Variants in BICC1 observed in about 807,000 individuals in gnomAD.
The protein encoded by BICC1 is BicC family RNA binding protein 1.
BICC1 carries 43 observed loss-of-function variants against 111.0 expected under a neutral mutation model. The ratio of observed to expected loss-of-function variants is 0.39; its 90% CI spans 0.30 to 0.50. The LOEUF is 0.50. Ranked by LOEUF, BICC1 falls within the 20% of genes least tolerant of loss-of-function variation. The pLI is 0.88. For synonymous variants in BICC1, 467 were observed against 434.4 expected, an observed-to-expected ratio of 1.07 and a Z score of -0.93; for missense variants, 1,091 against 1,203.2, an observed-to-expected ratio of 0.91 and a Z score of 1.38.
chr10:58,799,360 T>G lies in BICC1; in HGVS notation c.1725+108T>G, dbSNP rs866691854. 9.4e-6 allele frequency: 7 copies of G among 747,330 alleles called. No homozygotes were observed. In the Middle Eastern group the frequency reaches 1.7e-3, roughly 178 times the overall value. 46.3% of individuals were successfully genotyped at this position (747,330 alleles called of 1,614,324 possible). A position where few individuals can be genotyped will look rare whatever the true frequency, so the allele number is the denominator to read the frequency against. ...ATGTGTGTGTGTGATCTCTGCTGTT[T>G]GTAAGAGATAAACCCCTGGTAAAGT... On this transcript the variant is annotated intron_variant, in intron 12 of 20. Coordinates refer to ENST00000373886, the MANE Select transcript of BICC1 (RefSeq NM_001080512.3).
chr10:58,545,250 AG>A (rs1843106327), intron 1 of BICC1, among the ~76,000 whole-genome samples: 1 of 152,184 alleles, frequency 6.6e-6, no homozygotes, highest in African/African-American at 2.4e-5. Context: ...AACTTTTCAT[AG>A]TATCTCCTAA....
At chr10:58,759,914 G>A (rs1390704715) in intron 3 of BICC1, among the ~76,000 whole-genome samples, 4 of 150,736 alleles carry the variant, frequency 2.7e-5, no homozygotes, top group Middle Eastern at 3.4e-3. Context: ...AGCCGAGATC[G>A]CGCTACCACA....
chr10:58,631,271 A>C (rs972427941), intron 2 of BICC1, among the ~76,000 whole-genome samples: 1 of 152,104 alleles, frequency 6.6e-6, no homozygotes, highest in East Asian at 1.9e-4. Context: ...TTGTTACTCT[A>C]TGCCTCTCTA....
At chr10:58,657,483 C>T (rs1240568845) in intron 2 of BICC1, among the ~76,000 whole-genome samples, 1 of 152,110 alleles carries the variant, frequency 6.6e-6, no homozygotes, top group Non-Finnish European at 1.5e-5. Context: ...GAACTGGCAC[C>T]ACCTGCAGGT....
chr10:58,531,419 A>T (rs1250898333), intron 1 of BICC1, among the ~76,000 whole-genome samples: 2 of 151,900 alleles, frequency 1.3e-5, no homozygotes. Context: ...CAGAATCTCT[A>T]GCTGGGCTGA....
intron 1 of BICC1, among the ~76,000 whole-genome samples, chr10:58,571,000 G>T (rs1291052597): frequency 6.6e-6 from 1 of 152,152 alleles, no homozygotes; most frequent in Non-Finnish European, 1.5e-5. Flanking sequence ...ACCCAGCAAA[G>T]GTATCCACTT....
At chr10:58,736,547 T>C (rs1841474241) in intron 3 of BICC1, among the ~76,000 whole-genome samples, 2 of 152,146 alleles carry the variant, frequency 1.3e-5, no homozygotes. Flanking sequence ...CCTTCTGGAG[T>C]ACTTGTGACC....
intron 1 of BICC1, among the ~76,000 whole-genome samples, chr10:58,562,477 A>C (rs778131674): frequency 6.6e-6 from 1 of 151,330 alleles, no homozygotes; most frequent in Admixed American, 6.6e-5. Flanking sequence ...GTTCTTTTTT[A>C]TATCTATTTG....
At chr10:58,564,821 T>A (rs527748859) in intron 1 of BICC1, among the ~76,000 whole-genome samples, 41 of 152,300 alleles carry the variant, frequency 2.7e-4, no homozygotes, top group African/African-American at 8.7e-4. Context: ...TTAGGAATAA[T>A]CCCTTTTTTA....
rs552569278 is a variant in BICC1 at position 58,574,005 on chromosome 10, G to A, written c.191-46850G>A. On this transcript the variant is annotated intron_variant, in intron 1 of 20. Coordinates refer to ENST00000373886, the MANE Select transcript of BICC1 (RefSeq NM_001080512.3). ...CATTTTGCTAACTAACAAAGCCTCC[G>A]TTGTTTATGACAAATAAAATTTGGA... is the stretch of plus-strand genomic sequence containing the variant. Among the ~76,000 whole-genome samples, 6 of 152,164 alleles carry A rather than the reference G, an allele frequency of 3.9e-5. No homozygotes were observed. In the East Asian group the frequency reaches 7.7e-4, roughly 20 times the overall value.
intron 12 of BICC1, 137 bp from the exon 13 acceptor site, chr10:58,800,057 A>C (rs1295189772): frequency 1.5e-5 from 9 of 618,494 alleles, no homozygotes; most frequent in Non-Finnish European, 2.3e-5. Context: ...CCTTGTAGAT[A>C]TATTTCATCT....
At chr10:58,740,236 C>G (rs1589086177) in intron 3 of BICC1, among the ~76,000 whole-genome samples, 1 of 152,212 alleles carries the variant, frequency 6.6e-6, no homozygotes, top group Non-Finnish European at 1.5e-5. Flanking sequence ...GTTTTTATTT[C>G]CCAAATTCAA....
At chr10:58,813,487 T>C (rs1843978837) in intron 17 of BICC1, among the ~76,000 whole-genome samples, 1 of 152,150 alleles carries the variant, frequency 6.6e-6, no homozygotes, top group Non-Finnish European at 1.5e-5. Flanking sequence ...GGTGGAAGAT[T>C]TGCTTTTTGG....
At chr10:58,811,662 T>C (rs1272408604) in intron 17 of BICC1, among the ~76,000 whole-genome samples, 1 of 152,170 alleles carries the variant, frequency 6.6e-6, no homozygotes, top group Admixed American at 6.5e-5. Context: ...GGTTCTTACT[T>C]TCTCAGATGG....
intron 9 of BICC1, among the ~76,000 whole-genome samples, chr10:58,795,240 T>C (rs1234214359): frequency 6.6e-6 from 1 of 152,196 alleles, no homozygotes; most frequent in Non-Finnish European, 1.5e-5. Flanking sequence ...ATGTAAATAA[T>C]GTGGTAATCG....
chr10:58,752,145 G>A (rs886941011), intron 3 of BICC1, among the ~76,000 whole-genome samples: 1 of 152,120 alleles, frequency 6.6e-6, no homozygotes, highest in Non-Finnish European at 1.5e-5. Flanking sequence ...AACCCACTTT[G>A]CTATAATTAT....
At chr10:58,759,033 C>T (rs1842228183) in intron 3 of BICC1, among the ~76,000 whole-genome samples, 1 of 151,818 alleles carries the variant, frequency 6.6e-6, no homozygotes, top group African/African-American at 2.4e-5. Flanking sequence ...AATCTCGGCT[C>T]ATTGCAATGT....
intron 2 of BICC1, among the ~76,000 whole-genome samples, chr10:58,684,899 T>C (rs1053148016): frequency 2.0e-5 from 3 of 152,212 alleles, no homozygotes; most frequent in Non-Finnish European, 4.4e-5. Flanking sequence ...TCTTAGTTAT[T>C]GCCTTCTGCT....
At chr10:58,700,785 A>G (rs553178846) in intron 2 of BICC1, among the ~76,000 whole-genome samples, 3 of 152,280 alleles carry the variant, frequency 2.0e-5, no homozygotes, top group Admixed American at 6.5e-5. Context: ...CCCTGACTCA[A>G]GGGGGCAGCT....
Sources: allele counts gnomAD v4.1 joint callset (sites outside exome capture counted in the v4.1 genomes callset), GRCh38; gene constraint gnomAD v4.1.1; transcripts MANE v1.5; gene names NCBI Gene and HGNC (gene_info 2026-07-23, HGNC 2026-07-21).